The following ERBB4 variants were observed in gnomAD, a reference collection of about 807,000 sequenced individuals.
ERBB4 encodes receptor tyrosine-protein kinase erbB-4.
Under a neutral mutation model 158.0 loss-of-function variants are expected in ERBB4, and 42 were observed. That is an observed-to-expected ratio of 0.27 (90% CI 0.21 to 0.34). The LOEUF (loss-of-function observed/expected upper bound fraction) is 0.34. ERBB4 is among the 10% of genes least tolerant of loss of function. The probability of loss-of-function intolerance (pLI) is 1.00; values close to 1 mark genes in which losing one functional copy is unlikely to be tolerated. For synonymous variants in ERBB4, 583 were observed against 558.7 expected, an observed-to-expected ratio of 1.04 and a Z score of -0.61; for missense variants, 1,333 against 1,624.1, an observed-to-expected ratio of 0.82 and a Z score of 3.08.
intron 20 of ERBB4, among the ~76,000 whole-genome samples, chr2:211,432,363 C>A (rs2063762676): frequency 6.6e-6 from 1 of 152,152 alleles, no homozygotes; most frequent in African/African-American, 2.4e-5. Context: ...GCATCATGAG[C>A]CAAACCCCAT....
intron 1 of ERBB4, among the ~76,000 whole-genome samples, chr2:212,415,078 T>A (rs138370025): frequency 8.3e-4 from 127 of 152,278 alleles, no homozygotes; most frequent in African/African-American, 2.9e-3. Context: ...CAGAAACATG[T>A]TTGATGAGGT....
rs1466351275 is a variant in ERBB4, at chr2:212,300,401, T to C, written c.83-175498A>G. On this transcript the variant is annotated intron_variant, in intron 1 of 27. Transcript: ENST00000342788. ...AAATAGGACTATTAAATAAAACATA[T>C]ATGTTGTTACACAGGGTTCGCGTGT... Among the ~76,000 whole-genome samples the C allele has an allele frequency of 4.6e-5, 7 of 151,546 alleles. No homozygotes were observed. In the East Asian group the frequency reaches 9.7e-4, roughly 21 times the overall value.
intron 20 of ERBB4, among the ~76,000 whole-genome samples, chr2:211,480,245 C>A (rs1227922707): frequency 6.6e-6 from 1 of 152,090 alleles, no homozygotes; most frequent in African/African-American, 2.4e-5. Flanking sequence ...CTTTAGGGAA[C>A]TGGCATTGTT....
At chr2:211,564,821 C>A (rs1341263274) in intron 19 of ERBB4, among the ~76,000 whole-genome samples, 1 of 152,048 alleles carries the variant, frequency 6.6e-6, no homozygotes, top group Non-Finnish European at 1.5e-5. Context: ...CAAACTGGAA[C>A]AGGACAAATA....
At chr2:211,826,737 C>A (rs995427910) in intron 3 of ERBB4, among the ~76,000 whole-genome samples, 1 of 151,862 alleles carries the variant, frequency 6.6e-6, no homozygotes, top group Non-Finnish European at 1.5e-5. Flanking sequence ...AAAGGATACA[C>A]CAATATAAAA....
At chr2:211,887,240 G>C (rs2078827118) in intron 3 of ERBB4, among the ~76,000 whole-genome samples, 2 of 136,084 alleles carry the variant, frequency 1.5e-5, no homozygotes, top group African/African-American at 5.7e-5. Context: ...AGAGTTGAAA[G>C]ATAACAGAGG....
intron 1 of ERBB4, among the ~76,000 whole-genome samples, chr2:212,211,693 G>T (rs907324482): frequency 4.0e-5 from 6 of 150,728 alleles, no homozygotes; most frequent in African/African-American, 1.5e-4. Flanking sequence ...GTGGTTTGCT[G>T]CACCTATTGA....
rs1220139596 is a variant in ERBB4, at chr2:211,725,425, T to C, written c.623-231A>G. 2.6e-5 allele frequency among the ~76,000 whole-genome samples: 4 copies of C among 152,334 alleles called. No individual in the cohort carries two copies. The South Asian group carries it at 6.2e-4, about 24-fold the overall frequency. On this transcript the variant is annotated intron_variant, in intron 5 of 27. Transcript: ENST00000342788. The stretch of plus-strand genomic sequence containing the variant: ...TTCAGCAAATAATTACAATGCCTTA[T>C]GACGATCATACAACTTAACAAGAAA...
chr2:212,205,795 G>T (rs993570556), intron 1 of ERBB4, among the ~76,000 whole-genome samples: 2 of 152,054 alleles, frequency 1.3e-5, no homozygotes, highest in Admixed American at 6.5e-5. Flanking sequence ...TTTACTCACT[G>T]GGCATAAAGA....
In ERBB4 at chr2:211,460,115, A is replaced by G. The variant is rs1374806292; in HGVS notation, c.2488-29015T>C. Among the ~76,000 whole-genome samples the G allele has an allele frequency of 2.7e-4, 33 of 122,262 alleles. No homozygotes were observed. The Admixed American group carries it at 2.7e-3, about 10-fold the overall frequency. 80.2% of individuals were successfully genotyped at this position (122,262 alleles called of 152,430 possible). On this transcript the variant is annotated intron_variant, in intron 20 of 27. Transcript: ENST00000342788. ...TTACCCAATTCCAGGTCAGACTTTCAGGAATGCTTTAAAAAGTCAACATTA... is the reference window on the plus strand; with the variant it reads ...TTACCCAATTCCAGGTCAGACTTTCGGGAATGCTTTAAAAAGTCAACATTA...
intron 20 of ERBB4, among the ~76,000 whole-genome samples, chr2:211,496,380 GCTC>G: frequency 6.6e-6 from 1 of 151,736 alleles, no homozygotes; most frequent in East Asian, 1.9e-4. Flanking sequence ...GCAAATCTGT[GCTC>G]CTAATAATCT....
intron 1 of ERBB4, among the ~76,000 whole-genome samples, chr2:212,158,708 A>C (rs1347821329): frequency 1.3e-5 from 2 of 151,910 alleles, no homozygotes; most frequent in Admixed American, 6.6e-5. Context: ...TTTTGTGTCC[A>C]CCACGAGCTA....
chr2:212,389,364 A>G (rs2090780976), intron 1 of ERBB4, among the ~76,000 whole-genome samples: 1 of 152,132 alleles, frequency 6.6e-6, no homozygotes, highest in African/African-American at 2.4e-5. Context: ...TCAGTGTTCA[A>G]AAGTTGCTGA....
chr2:212,265,246 G>GTCA (rs2085087869), intron 1 of ERBB4, among the ~76,000 whole-genome samples: 1 of 152,040 alleles, frequency 6.6e-6, no homozygotes, highest in African/African-American at 2.4e-5. Context: ...GCCATGGTAC[G>GTCA]TGTATACACA....
At chr2:212,503,184 G>C (rs1690994039) in intron 1 of ERBB4, among the ~76,000 whole-genome samples, 1 of 152,154 alleles carries the variant, frequency 6.6e-6, no homozygotes, top group African/African-American at 2.4e-5. Context: ...AACTCTTACT[G>C]GGTTAAGCTA....
At chr2:212,203,736 T>C (rs1234435639) in intron 1 of ERBB4, among the ~76,000 whole-genome samples, 1 of 152,198 alleles carries the variant, frequency 6.6e-6, no homozygotes, top group Admixed American at 6.6e-5. Flanking sequence ...TTCCTATCTT[T>C]TTGGAAGAAG....
chr2:212,083,289 A>T (rs1196442756), intron 2 of ERBB4, among the ~76,000 whole-genome samples: 1 of 151,968 alleles, frequency 6.6e-6, no homozygotes, highest in Non-Finnish European at 1.5e-5. Context: ...TATTAATTCA[A>T]ATTGGCTTGA....
chr2:211,464,813 A>T (rs371794043), intron 20 of ERBB4, among the ~76,000 whole-genome samples: 15 of 151,898 alleles, frequency 9.9e-5, no homozygotes, highest in African/African-American at 3.6e-4. Context: ...CTTCTAATGG[A>T]CCATACCTCA....
chr2:212,465,480 T>C (rs184107835), intron 1 of ERBB4, among the ~76,000 whole-genome samples: 2 of 152,182 alleles, frequency 1.3e-5, no homozygotes, highest in East Asian at 1.9e-4. Context: ...ATTTACAAAG[T>C]GTTTTCCTAC....
Sources: gnomAD v4.1 joint callset for allele counts (sites outside exome capture counted in the v4.1 genomes callset) on GRCh38, gnomAD v4.1.1 for gene constraint, MANE v1.5 for transcripts, NCBI Gene and HGNC (gene_info 2026-07-23, HGNC 2026-07-21) for gene names.